CTDP1: variants seen among roughly 807,000 people sequenced by gnomAD.
CTDP1 encodes the protein RNA polymerase II subunit A C-terminal domain phosphatase.
CTDP1 carries 47 observed loss-of-function variants against 91.8 expected under a neutral mutation model. The observed-to-expected ratio is 0.51, with a 90% CI of 0.41 to 0.65. CTDP1 has a LOEUF of 0.65. Ranked by LOEUF, CTDP1 falls within the 30% of genes least tolerant of loss-of-function variation. The pLI, the probability that CTDP1 is intolerant of heterozygous loss-of-function variation, is 0.00. For missense variants in CTDP1, 1,272 were observed against 1,373.7 expected, an observed-to-expected ratio of 0.93 and a Z score of 1.17; for synonymous variants, 656 against 598.5, an observed-to-expected ratio of 1.10 and a Z score of -1.40.
rs113786741 is a variant in CTDP1 at position 79,704,494 on chromosome 18, T to G, written c.622-273T>G. Among the ~76,000 whole-genome samples, 4,336 of 149,006 alleles carry G rather than the reference T, an allele frequency of 0.029. 210 individuals are homozygous for G. Among genetic ancestry groups the G allele is most frequent in the African/African-American group, 0.1 (4,105 of 40,296 alleles). ...CCCGTGTGGAGGGGCGTGTACATGC[T>G]CACATGTGTCCTCTGTCCCGTGTGG... On this transcript the variant is annotated intron_variant, in intron 4 of 12. Transcript: ENST00000613122.
rs758152649 is a variant in CTDP1, at chr18:79,728,900, C to T, written c.2418-7C>T. The stretch of plus-strand genomic sequence containing the variant: ...TCCTCATGTGGGACCTATGAAATTC[C>T]TTTCAGAGCGGTTCCGCCACCCCAG... On this transcript the variant is annotated splice_region_variant and splice_polypyrimidine_tract_variant and intron_variant, in intron 10 of 12. Transcript: ENST00000613122. The T allele has an allele frequency of 6.2e-7, 1 of 1,613,674 alleles. No individual in the cohort carries two copies. The highest frequency in any genetic ancestry group is 8.5e-7 in the Non-Finnish European group (1 of 1,180,042).
chr18:79,720,569 G>A (rs2086324066), intron 10 of CTDP1, among the ~76,000 whole-genome samples: 1 of 152,094 alleles, frequency 6.6e-6, no homozygotes, highest in Non-Finnish European at 1.5e-5. Flanking sequence ...ACCTCCCATC[G>A]TGTCCTGGTG....
At chr18:79,732,525 G>A (rs1202402115) in intron 11 of CTDP1, among the ~76,000 whole-genome samples, 7 of 111,374 alleles carry the variant, frequency 6.3e-5, no homozygotes, top group African/African-American at 2.7e-4. Flanking sequence ...CGTGAGACAT[G>A]AGAACTCACA....
intron 1 of CTDP1, among the ~76,000 whole-genome samples, chr18:79,683,836 C>G (rs1418470374): frequency 1.3e-5 from 2 of 152,224 alleles, no homozygotes; most frequent in African/African-American, 2.4e-5. Context: ...ACGGGGAGGA[C>G]AGCCTGTCTC....
intron 11 of CTDP1, among the ~76,000 whole-genome samples, chr18:79,735,377 G>A (rs1191382910): frequency 9.2e-5 from 14 of 152,230 alleles, no homozygotes; most frequent in Admixed American, 5.9e-4. Flanking sequence ...GGGCTGTGCC[G>A]TCGCACACAG....
At chr18:79,716,396 T>C (rs1359692112) in intron 8 of CTDP1, among the ~76,000 whole-genome samples, 4 of 152,210 alleles carry the variant, frequency 2.6e-5, no homozygotes, top group Admixed American at 6.5e-5. Flanking sequence ...CAGTAAAGCA[T>C]TTGAATCAAG....
chr18:79,724,925 G>A (rs2122709103), intron 10 of CTDP1, among the ~76,000 whole-genome samples: 1 of 152,336 alleles, frequency 6.6e-6, no homozygotes, highest in East Asian at 1.9e-4. Flanking sequence ...GGGCACTCAG[G>A]TGCACCTGTG....
At chr18:79,751,577 T>G (rs1360639149) in intron 12 of CTDP1, among the ~76,000 whole-genome samples, 1 of 152,206 alleles carries the variant, frequency 6.6e-6, no homozygotes, top group Non-Finnish European at 1.5e-5. Context: ...ATTTTATTCC[T>G]TTTGTCTCTT....
At chr18:79,734,640 C>T (rs116733241) in intron 11 of CTDP1, among the ~76,000 whole-genome samples, 291 of 152,324 alleles carry the variant, frequency 1.9e-3, no homozygotes, top group Middle Eastern at 6.8e-3. Flanking sequence ...GCCCGCCTGC[C>T]CTTGGCTGTC....
rs1344240497 is a variant in CTDP1, at chr18:79,680,139, T to C, written c.192T>C (p.Ser64=). The C allele has an allele frequency of 7.7e-6, 11 of 1,432,342 alleles. No homozygotes were observed. The highest frequency in any genetic ancestry group is 1.5e-5 in the African/African-American group (1 of 67,086). The allele number at this position is 1,432,342 out of a possible 1,614,324, so 88.7% of individuals were successfully genotyped here. ...CCTCCGCGCAGTCCTCCGGGGCCTC[T>C]CAGTCCCGTGTAGCCTCCGGGGGCT... ...AAASAQSSGA[S]QSRVASGGCV... Residue 64 remains serine, a synonymous_variant, in exon 1 of 13, where the codon TCT becomes TCC. Transcript: ENST00000613122.
intron 4 of CTDP1, among the ~76,000 whole-genome samples, chr18:79,702,019 T>A (rs1328003227): frequency 1.3e-5 from 2 of 152,232 alleles, no homozygotes; most frequent in South Asian, 4.1e-4. Context: ...GTTGTTGAAA[T>A]GACCAAAAAG....
At chr18:79,719,321 C>A (rs2086286090) in intron 10 of CTDP1, among the ~76,000 whole-genome samples, 1 of 151,906 alleles carries the variant, frequency 6.6e-6, no homozygotes, top group African/African-American at 2.4e-5. Context: ...GGGATGTGGG[C>A]AGGTGCAGGG....
At chr18:79,729,304 G>A (rs887791868) in intron 11 of CTDP1, among the ~76,000 whole-genome samples, 1 of 152,232 alleles carries the variant, frequency 6.6e-6, no homozygotes, top group African/African-American at 2.4e-5. Flanking sequence ...AGAACACGTG[G>A]AAGTTGTGGC....
chr18:79,695,117 G>T (rs2085720495), intron 1 of CTDP1, 108 bp from the exon 2 acceptor site: 2 of 942,334 alleles, frequency 2.1e-6, no homozygotes, highest in Non-Finnish European at 3.4e-6. Context: ...TTATGCAAGG[G>T]TTAGTGTAGA....
At chr18:79,678,876 G>C (rs1242242127), upstream of CTDP1, 2 of 175,112 alleles carry the variant, frequency 1.1e-5, no homozygotes, top group Admixed American at 1.2e-4. Context: ...ATAGGGTCTT[G>C]CTACGTTGCG....
intron 2 of CTDP1, 65 bp downstream of exon 2, chr18:79,695,373 C>G: frequency 5.5e-6 from 8 of 1,451,036 alleles, no homozygotes; most frequent in South Asian, 2.3e-5. Flanking sequence ...CCGGGGAGTC[C>G]GAGAAGCTGT....
intron 11 of CTDP1, among the ~76,000 whole-genome samples, chr18:79,729,610 G>A (rs1370958414): frequency 6.6e-6 from 1 of 152,242 alleles, no homozygotes; most frequent in South Asian, 2.1e-4. Flanking sequence ...TGGAGCTGGG[G>A]TTTTCTCAGC....
At chr18:79,727,012 T>C (rs1185945304) in intron 10 of CTDP1, among the ~76,000 whole-genome samples, 1 of 146,506 alleles carries the variant, frequency 6.8e-6, no homozygotes, top group Non-Finnish European at 1.5e-5. Context: ...TGGACAGCTG[T>C]GGGGTATGGG....
Position 79,729,010 on chromosome 18 carries a change from T to A in CTDP1, c.2521T>A (p.Ser841Thr). Residue 841 changes from serine to threonine, a missense_variant, in exon 11 of 13, where the codon TCT (serine) becomes ACT (threonine). By Grantham distance (58) the Ser-to-Thr change is moderately conservative (BLOSUM62 1). Transcript: ENST00000613122. ...PSRRKRQPSM[S>T]ETMPLYTLCK... ...TAGAAGAAAGCGACAGCCCAGTATG[T>A]CTGAGACAATGCCGCTGTACACTCT... The A allele has an allele frequency of 6.2e-7, 1 of 1,614,096 alleles. No homozygotes were observed. Among genetic ancestry groups the A allele is most frequent in the Non-Finnish European group, 8.5e-7 (1 of 1,180,036 alleles).
Sources: allele counts gnomAD v4.1 joint callset (sites outside exome capture counted in the v4.1 genomes callset), GRCh38; gene constraint gnomAD v4.1.1; transcripts MANE v1.5; gene names NCBI Gene and HGNC (gene_info 2026-07-23, HGNC 2026-07-21).